Variants in IMMP2L observed in about 807,000 individuals in gnomAD.
The protein encoded by IMMP2L is inner mitochondrial membrane peptidase subunit 2.
A neutral mutation model predicts 19.3 loss-of-function variants in IMMP2L; 18 were observed. The ratio of observed to expected loss-of-function variants is 0.93; its 90% CI spans 0.64 to 1.38. The LOEUF (loss-of-function observed/expected upper bound fraction) is 1.38. Among genes scored for constraint, IMMP2L ranks in the 40% most tolerant of loss-of-function variants. IMMP2L has a pLI of 0.00. For missense variants in IMMP2L, 233 were observed against 218.2 expected (o/e 1.07, Z -0.43); for synonymous variants, 76 against 73.0 (o/e 1.04, Z -0.21).
At chr7:110,892,511 T>G (rs1391022321) in intron 4 of IMMP2L, among the ~76,000 whole-genome samples, 1 of 152,152 alleles carries the variant, frequency 6.6e-6, no homozygotes, top group Non-Finnish European at 1.5e-5. Flanking sequence ...CTCCTATTAA[T>G]CTGCCTTTTG....
chr7:111,308,836 C>A (rs1428245575), intron 3 of IMMP2L, among the ~76,000 whole-genome samples: 1 of 151,996 alleles, frequency 6.6e-6, no homozygotes, highest in Non-Finnish European at 1.5e-5. Flanking sequence ...GAGAACCATT[C>A]TTTTATGCCA....
At chr7:111,514,807 T>C (rs1344575705) in intron 2 of IMMP2L, among the ~76,000 whole-genome samples, 1 of 152,108 alleles carries the variant, frequency 6.6e-6, no homozygotes, top group Admixed American at 6.6e-5. Flanking sequence ...TCAGCTATTA[T>C]GCATTTCACT....
chr7:111,316,860 T>C (rs1824156218), intron 3 of IMMP2L, among the ~76,000 whole-genome samples: 1 of 140,234 alleles, frequency 7.1e-6, no homozygotes, highest in Non-Finnish European at 1.5e-5. Flanking sequence ...TTTTTTTTTT[T>C]TTTTTTTTGA....
chr7:110,931,273 A>G (rs1815454552), intron 4 of IMMP2L, among the ~76,000 whole-genome samples: 1 of 152,190 alleles, frequency 6.6e-6, no homozygotes, highest in Admixed American at 6.5e-5. Flanking sequence ...CCTGTAAACA[A>G]ATGGATGTCA....
chr7:111,381,639 G>C (rs1053989428), intron 3 of IMMP2L, among the ~76,000 whole-genome samples: 1 of 151,946 alleles, frequency 6.6e-6, no homozygotes, highest in Non-Finnish European at 1.5e-5. Context: ...CAAGGTGAGA[G>C]AGGACAGTCT....
At chr7:111,367,663 G>A (rs1829903441) in intron 3 of IMMP2L, among the ~76,000 whole-genome samples, 1 of 151,606 alleles carries the variant, frequency 6.6e-6, no homozygotes, top group African/African-American at 2.4e-5. Flanking sequence ...TTTTCGCATG[G>A]GGAAAAAACA....
At chr7:110,864,167 T>C (rs1351184235) in intron 5 of IMMP2L, among the ~76,000 whole-genome samples, 1 of 152,144 alleles carries the variant, frequency 6.6e-6, no homozygotes, top group African/African-American at 2.4e-5. Flanking sequence ...TCTTGCATTA[T>C]ACTTATGATA....
At chr7:110,732,849 G>A (rs1796362467) in intron 5 of IMMP2L, among the ~76,000 whole-genome samples, 1 of 150,532 alleles carries the variant, frequency 6.6e-6, no homozygotes, top group Non-Finnish European at 1.5e-5. Flanking sequence ...GTAGTGGCAT[G>A]TTCACAGTTC....
At chr7:111,546,276 C>G (rs1585628939) in intron 1 of IMMP2L, among the ~76,000 whole-genome samples, 1 of 152,012 alleles carries the variant, frequency 6.6e-6, no homozygotes, top group Admixed American at 6.6e-5. Flanking sequence ...TTGCACAAAT[C>G]CATACTCCCA....
At chr7:111,160,928 T>C (rs922108672) in intron 3 of IMMP2L, among the ~76,000 whole-genome samples, 1 of 151,442 alleles carries the variant, frequency 6.6e-6, no homozygotes. Context: ...AATCAGAGAT[T>C]TAACAGAATT....
At chr7:111,174,870 C>G (rs2129609779) in intron 3 of IMMP2L, among the ~76,000 whole-genome samples, 1 of 151,768 alleles carries the variant, frequency 6.6e-6, no homozygotes, top group South Asian at 2.1e-4. Flanking sequence ...TAAAAGAATT[C>G]CTTTAAGTGG....
chr7:111,352,443 G>C (rs573121187), intron 3 of IMMP2L, among the ~76,000 whole-genome samples: 1 of 148,390 alleles, frequency 6.7e-6, no homozygotes, highest in East Asian at 2.0e-4. Context: ...TCCTGGCCTT[G>C]AGTAATCATT....
chr7:111,170,584 A>AT (rs1806324401), intron 3 of IMMP2L, among the ~76,000 whole-genome samples: 1 of 151,762 alleles, frequency 6.6e-6, no homozygotes, highest in South Asian at 2.1e-4. Flanking sequence ...GAGGTAGAGA[A>AT]TGTGACCAAA....
At chr7:110,701,520 G>A (rs140731212) in intron 5 of IMMP2L, among the ~76,000 whole-genome samples, 2,062 of 151,748 alleles carry the variant, frequency 0.014, 22 homozygotes, top group Middle Eastern at 0.031. Context: ...TCCCAGGTTC[G>A]AGCGATTCTC....
chr7:110,985,206 T>C (rs1821730777), intron 3 of IMMP2L, among the ~76,000 whole-genome samples: 1 of 152,062 alleles, frequency 6.6e-6, no homozygotes, highest in African/African-American at 2.4e-5. Context: ...GAGACCTTTG[T>C]TGGACCTCTG....
chr7:111,274,735 C>G (rs969288721), intron 3 of IMMP2L, among the ~76,000 whole-genome samples: 2 of 152,180 alleles, frequency 1.3e-5, no homozygotes, highest in African/African-American at 4.8e-5. Context: ...TTCTGAACAA[C>G]TGTTTTGTAA....
chr7:110,759,977 C>A (rs993329163), intron 5 of IMMP2L, among the ~76,000 whole-genome samples: 3 of 152,114 alleles, frequency 2.0e-5, no homozygotes, highest in Non-Finnish European at 4.4e-5. Context: ...TTTTAACAGA[C>A]AATCTGCTCC....
At chr7:111,301,945 A>C (rs1223439446) in intron 3 of IMMP2L, among the ~76,000 whole-genome samples, 2 of 148,412 alleles carry the variant, frequency 1.3e-5, no homozygotes, top group South Asian at 2.2e-4. Context: ...AAAAAAAAAA[A>C]AAAAAACCTT....
intron 3 of IMMP2L, among the ~76,000 whole-genome samples, chr7:111,327,969 A>C (rs925755925): frequency 1.3e-5 from 2 of 151,790 alleles, no homozygotes; most frequent in Non-Finnish European, 2.9e-5. Context: ...ATATATAAGA[A>C]TACATATGAG....
Sources: allele counts gnomAD v4.1 joint callset (sites outside exome capture counted in the v4.1 genomes callset), GRCh38; gene constraint gnomAD v4.1.1; transcripts MANE v1.5; gene names NCBI Gene and HGNC (gene_info 2026-07-23, HGNC 2026-07-21).